The following FRMD5 variants were observed in gnomAD, a reference collection of about 807,000 sequenced individuals.
FRMD5 encodes the protein FERM domain containing 5, also known as FERM domain-containing protein 5.
FRMD5 carries 20 observed loss-of-function variants against 69.0 expected under a neutral mutation model. The ratio of observed to expected loss-of-function variants is 0.29; its 90% CI spans 0.20 to 0.42. FRMD5 has a LOEUF of 0.42. Among genes scored for constraint, FRMD5 ranks in the 10% least tolerant of loss-of-function variants. FRMD5 has a pLI of 1.00. For synonymous variants in FRMD5, 271 were observed against 260.1 expected (o/e 1.04, Z -0.40); for missense variants, 595 against 708.6 (o/e 0.84, Z 1.82).
intron 1 of FRMD5, among the ~76,000 whole-genome samples, chr15:44,150,457 A>C (rs1200241741): frequency 1.3e-5 from 2 of 151,986 alleles, no homozygotes; most frequent in South Asian, 2.1e-4. Flanking sequence ...ACAACTAATA[A>C]ATGAATTCAT....
Position 44,150,528 on chromosome 15 carries a change from T to C in FRMD5, c.102+44425A>G, listed in dbSNP as rs2077426888. ...GGTGTGATGGCTGACTCCTGTAATC[T>C]CAGTGCTTTGAGAGGCCGAAGCAGG... On this transcript the variant is annotated intron_variant, in intron 1 of 13. Coordinates refer to ENST00000417257, the MANE Select transcript of FRMD5 (RefSeq NM_032892.5). Among the ~76,000 whole-genome samples the C allele has an allele frequency of 2.0e-5, 3 of 151,626 alleles. No homozygotes were observed. The South Asian group carries it at 6.2e-4, about 32-fold the overall frequency.
intron 1 of FRMD5, among the ~76,000 whole-genome samples, chr15:44,091,887 G>T (rs1224526979): frequency 1.3e-5 from 2 of 151,972 alleles, no homozygotes; most frequent in African/African-American, 4.8e-5. Flanking sequence ...GTCAAGAGAG[G>T]AAGGAAAAAT....
rs183410440 is a variant in FRMD5, at chr15:44,093,425, A to G, written c.102+101528T>C. On this transcript the variant is annotated intron_variant, in intron 1 of 13. Transcript: ENST00000417257. ...CAACAAGGAAGACTGGCTGATGAGC[A>G]CTTCTCCTGAAGAGTTATTTAATCT... Among the ~76,000 whole-genome samples, 14 of 152,262 alleles carry G rather than the reference A, an allele frequency of 9.2e-5. No homozygotes were observed. The East Asian group carries it at 1.7e-3, about 19-fold the overall frequency.
intron 1 of FRMD5, among the ~76,000 whole-genome samples, chr15:44,190,796 CACAA>C (rs1172102874): frequency 3.9e-5 from 6 of 152,150 alleles, no homozygotes; most frequent in Non-Finnish European, 4.4e-5. Context: ...AATCATGTAG[CACAA>C]ACAAATTAGA....
chr15:44,133,184 A>G lies in FRMD5; in HGVS notation c.102+61769T>C, dbSNP rs1008975887. Among the ~76,000 whole-genome samples the G allele has an allele frequency of 2.6e-5, 4 of 151,902 alleles. No individual in the cohort carries two copies. The South Asian group carries it at 8.3e-4, about 32-fold the overall frequency. ...AGCTGAGATCGCGCCACTGCACTCC[A>G]GCCTGGCGACACTGCGAGACTCCGT... is the stretch of plus-strand genomic sequence containing the variant. On this transcript the variant is annotated intron_variant, in intron 1 of 13. Coordinates refer to ENST00000417257, the MANE Select transcript of FRMD5 (RefSeq NM_032892.5).
At chr15:44,003,121 T>C (rs1165651326) in intron 1 of FRMD5, among the ~76,000 whole-genome samples, 1 of 152,198 alleles carries the variant, frequency 6.6e-6, no homozygotes, top group African/African-American at 2.4e-5. Context: ...CCTGGAATCA[T>C]CCTGGAGTCT....
chr15:43,917,515 C>T (rs1222696103), intron 4 of FRMD5, among the ~76,000 whole-genome samples: 6 of 152,140 alleles, frequency 3.9e-5, no homozygotes, highest in East Asian at 3.9e-4. Context: ...CTCAGCCTCC[C>T]GAGTAGCTGG....
At chr15:43,984,485 TC>T (rs1889289385) in intron 1 of FRMD5, among the ~76,000 whole-genome samples, 1 of 152,192 alleles carries the variant, frequency 6.6e-6, no homozygotes, top group Admixed American at 6.5e-5. Flanking sequence ...CCAGAGCTGC[TC>T]CAGGCCTCCA....
intron 1 of FRMD5, among the ~76,000 whole-genome samples, chr15:43,938,960 G>A (rs921140627): frequency 6.6e-6 from 1 of 151,824 alleles, no homozygotes; most frequent in Non-Finnish European, 1.5e-5. Flanking sequence ...CTCCTAGGTT[G>A]AAGGAATTCT....
At chr15:43,922,666 TC>T (rs1179506273) in intron 2 of FRMD5, among the ~76,000 whole-genome samples, 1 of 147,082 alleles carries the variant, frequency 6.8e-6, no homozygotes, top group Non-Finnish European at 1.5e-5. Context: ...TAACTGGCCC[TC>T]CTTTTTTTTT....
At chr15:44,117,991 C>CTTTTTTTTTTTTTTTTTTTTTTTTT (rs747747488) in intron 1 of FRMD5, among the ~76,000 whole-genome samples, 2 of 92,656 alleles carry the variant, frequency 2.2e-5, no homozygotes, top group African/African-American at 4.6e-5. Flanking sequence ...TTCTTTTTTA[C>CTTTTTTTTTTTTTTTTTTTTTTTTT]TTTTTTTTTT....
chr15:43,884,370 G>C (rs987659140), intron 12 of FRMD5, among the ~76,000 whole-genome samples: 1 of 152,218 alleles, frequency 6.6e-6, no homozygotes, highest in African/African-American at 2.4e-5. Flanking sequence ...TAGAGCCAGT[G>C]TGGCAGGGCT....
intron 1 of FRMD5, among the ~76,000 whole-genome samples, chr15:43,997,915 A>T (rs1890012932): frequency 6.6e-6 from 1 of 152,220 alleles, no homozygotes; most frequent in South Asian, 2.1e-4. Context: ...GTCTACTTCC[A>T]GTAGGCCTCT....
intron 1 of FRMD5, among the ~76,000 whole-genome samples, chr15:44,069,384 A>G (rs1247363324): frequency 1.3e-5 from 2 of 152,210 alleles, no homozygotes; most frequent in Admixed American, 1.3e-4. Flanking sequence ...ACAAATGTTC[A>G]TAACAGCTTT....
chr15:44,065,946 T>C (rs1893292715), intron 1 of FRMD5, among the ~76,000 whole-genome samples: 1 of 152,148 alleles, frequency 6.6e-6, no homozygotes, highest in South Asian at 2.1e-4. Context: ...CTCAACCAGT[T>C]CCACTTTTTT....
At chr15:44,178,820 C>G (rs977909775) in intron 1 of FRMD5, among the ~76,000 whole-genome samples, 3 of 152,100 alleles carry the variant, frequency 2.0e-5, no homozygotes, top group Non-Finnish European at 4.4e-5. Flanking sequence ...TGGTAAAACT[C>G]TATCTCTACT....
At chr15:44,176,080 T>C (rs531846899) in intron 1 of FRMD5, among the ~76,000 whole-genome samples, 1 of 152,188 alleles carries the variant, frequency 6.6e-6, no homozygotes, top group East Asian at 1.9e-4. Flanking sequence ...ATAGCCAAAA[T>C]AATCTTGAAA....
At chr15:43,875,390 A>ATATGTATG (rs1555465623) in intron 13 of FRMD5, among the ~76,000 whole-genome samples, 4 of 124,834 alleles carry the variant, frequency 3.2e-5, no homozygotes, top group African/African-American at 1.0e-4. Flanking sequence ...ATATATATAT[A>ATATGTATG]TATGTATGTA....
chr15:44,075,270 G>A (rs1029701521), intron 1 of FRMD5, among the ~76,000 whole-genome samples: 2 of 152,100 alleles, frequency 1.3e-5, no homozygotes, highest in South Asian at 2.1e-4. Context: ...GAATTGGATG[G>A]GAAATGAGGT....
Sources: allele counts gnomAD v4.1 joint callset (sites outside exome capture counted in the v4.1 genomes callset), GRCh38; gene constraint gnomAD v4.1.1; transcripts MANE v1.5; gene names NCBI Gene and HGNC (gene_info 2026-07-23, HGNC 2026-07-21).